MMEL1: variants seen among roughly 807,000 people sequenced by gnomAD.
The protein encoded by MMEL1 is membrane metalloendopeptidase like 1.
A neutral mutation model predicts 117.1 loss-of-function variants in MMEL1; 98 were observed. The ratio of observed to expected loss-of-function variants is 0.84; its 90% confidence interval spans 0.71 to 0.99. The LOEUF is 0.99. MMEL1 is among the 50% of genes least tolerant of loss of function. The pLI is 0.00. For missense variants in MMEL1, 1,014 were observed against 1,049.1 expected, an observed-to-expected ratio of 0.97 and a Z score of 0.46; for synonymous variants, 390 against 415.1, an observed-to-expected ratio of 0.94 and a Z score of 0.74.
chr1:2,591,217 C>T (rs1002751138), intron 23 of MMEL1, 128 bp from the exon 24 acceptor site: 1 of 643,866 alleles, frequency 1.6e-6, no homozygotes, highest in Non-Finnish European at 2.6e-6. Context: ...TGAGCAGAAA[C>T]ATTTCAACCA....
chr1:2,597,405 C>T (rs1644859935), intron 13 of MMEL1, among the ~76,000 whole-genome samples: 1 of 151,976 alleles, frequency 6.6e-6, no homozygotes, highest in Admixed American at 6.5e-5. Flanking sequence ...GCAGTGGGGA[C>T]CTCTGTCCCT....
At chr1:2,591,726 C>A in intron 22 of MMEL1, 93 bp from the exon 23 acceptor site, 1 of 1,188,610 alleles carries the variant, frequency 8.4e-7, no homozygotes, top group Non-Finnish European at 1.3e-6. Context: ...GCTGCCCCTT[C>A]TAGGGTGGGG....
rs917959219 is a variant in MMEL1, at chr1:2,595,043, C to T, written c.1585-150G>A. 88 of 728,282 alleles carry T rather than the reference C, an allele frequency of 1.2e-4. 1 individual carries two copies. The highest frequency in any genetic ancestry group is 1.3e-4 in the Non-Finnish European group (58 of 431,920). 45.1% of individuals were successfully genotyped at this position (728,282 alleles called of 1,614,324 possible). ...CTGTGGGTGCAGGTGAACGGGGCAG[C>T]CCTGGCTGTGGGCATTTACATGACT... On this transcript the variant is annotated intron_variant, in intron 16 of 23. Transcript: ENST00000378412. This position sits in a 1 kb window ranked among gnomAD's most constrained non-coding sequence, Gnocchi z 4.8.
rs1261948058 is a variant in MMEL1 at position 2,608,924 on chromosome 1, CGT to C, written c.535+413_535+414del. Among the ~76,000 whole-genome samples, 17 of 143,668 alleles carry C rather than the reference CGT, an allele frequency of 1.2e-4. 1 individual carries two copies. Among genetic ancestry groups the C allele is most frequent in the Admixed American group, 1.1e-3 (16 of 14,364 alleles). The allele number at this position is 143,668 out of a possible 152,430, so 94.3% of individuals were successfully genotyped here. ...GCATGAACACATATATACACATACA[CGT>C]ATACACATATACATACACAATATAC... On this transcript the variant is annotated intron_variant, in intron 6 of 23. Transcript: ENST00000378412.
chr1:2,611,367 C>T (rs757366358), intron 3 of MMEL1, 27 bp from the exon 4 acceptor site: 14 of 1,283,824 alleles, frequency 1.1e-5, no homozygotes, highest in African/African-American at 9.9e-5. Flanking sequence ...GCCTGAGCAC[C>T]GGGAGCCACG....
chr1:2,596,391 C>T (rs113059362), intron 14 of MMEL1, among the ~76,000 whole-genome samples, 170 bp downstream of exon 14: 155 of 152,224 alleles, frequency 1.0e-3, no homozygotes, highest in African/African-American at 3.2e-3. Flanking sequence ...GCCCAGTGGC[C>T]GGCTGGGGTC....
intron 2 of MMEL1, among the ~76,000 whole-genome samples, chr1:2,626,552 T>C (rs541062200): frequency 6.6e-6 from 1 of 152,366 alleles, no homozygotes; most frequent in South Asian, 2.1e-4. Context: ...CAATAAAACT[T>C]TATATACAAA....
intron 2 of MMEL1, among the ~76,000 whole-genome samples, chr1:2,624,848 G>A (rs955230008): frequency 9.2e-5 from 14 of 152,208 alleles, no homozygotes; most frequent in African/African-American, 2.4e-4. Context: ...TACAGGAAGC[G>A]TGGCTAGGAC....
At position 2,595,738 on chromosome 1, in the gene MMEL1, G is replaced by A. The variant is rs527280417; in HGVS notation, c.1500+271C>T. Among the ~76,000 whole-genome samples the A allele has an allele frequency of 6.6e-6, 1 of 152,116 alleles. No individual in the cohort carries two copies. Among genetic ancestry groups the A allele is most frequent in the Non-Finnish European group, 1.5e-5 (1 of 68,010 alleles). On this transcript the variant is annotated intron_variant, in intron 15 of 23. Coordinates refer to ENST00000378412, the MANE Select transcript of MMEL1 (RefSeq NM_033467.4). This position sits in a 1 kb window ranked among gnomAD's most constrained non-coding sequence, Gnocchi z 4.8. ...CGCTACCCCCGCTGGCTCATGGGGG[G>A]TGCTGGGGATGTCCCAGGCCTGGTT...
intron 2 of MMEL1, among the ~76,000 whole-genome samples, chr1:2,617,426 CAAAAA>C (rs35881431): frequency 1.8e-5 from 1 of 56,146 alleles, no homozygotes; most frequent in Non-Finnish European, 3.3e-5. Context: ...GACTCCGTCT[CAAAAA>C]AAAAAAAAAA....
intron 1 of MMEL1, among the ~76,000 whole-genome samples, chr1:2,630,560 T>G (rs1021349506): frequency 6.1e-5 from 9 of 146,470 alleles, no homozygotes; most frequent in African/African-American, 2.0e-4. Context: ...CATGTGTGCA[T>G]GTGTGTGACT....
rs776283541 is a variant in MMEL1, at chr1:2,603,902, T to C, written c.1023A>G (p.Gln341=). 4 of 1,613,654 alleles carry C rather than the reference T, an allele frequency of 2.5e-6. No homozygotes were observed. In the African/African-American group the frequency reaches 5.3e-5, roughly 22 times the overall value. ...LYHRMGLEEL[Q]SQFGLKGFNW... is the part of the protein sequence containing the mutation. ...GCCTCACCTTCAGGCCAAACTGGCT[T>C]TGCAGCTCCTCCAGTCCCATCCGGT... The change falls in exon 11 of 24, where the codon CAA becomes CAG. Residue 341 remains glutamine (Q), a synonymous_variant. Coordinates refer to ENST00000378412, the MANE Select transcript of MMEL1 (RefSeq NM_033467.4).
At chr1:2,608,041 C>T (rs972003322) in intron 6 of MMEL1, among the ~76,000 whole-genome samples, 3 of 152,102 alleles carry the variant, frequency 2.0e-5, no homozygotes, top group Non-Finnish European at 4.4e-5. Flanking sequence ...TTCAGCCTCT[C>T]AGGCCAAAAA....
intron 12 of MMEL1, 27 bp from the exon 13 acceptor site, chr1:2,598,327 G>A (rs745527448): frequency 6.2e-7 from 1 of 1,607,432 alleles, no homozygotes; most frequent in South Asian, 1.1e-5. Context: ...GAGGGTGAGG[G>A]GAGAACAGGT....
intron 2 of MMEL1, among the ~76,000 whole-genome samples, chr1:2,621,230 A>G (rs7540907): frequency 3.8e-3 from 574 of 152,318 alleles, no homozygotes; most frequent in Non-Finnish European, 6.6e-3. Context: ...GGCTGCAGTG[A>G]GCTGTGATTG....
intron 6 of MMEL1, among the ~76,000 whole-genome samples, chr1:2,607,976 C>T (rs1428560792): frequency 6.6e-6 from 1 of 152,130 alleles, no homozygotes; most frequent in Admixed American, 6.5e-5. Context: ...GCTGGGCTGC[C>T]GGTCCTGAGT....
chr1:2,614,248 A>G (rs1645171071), intron 2 of MMEL1, among the ~76,000 whole-genome samples: 1 of 152,276 alleles, frequency 6.6e-6, no homozygotes, highest in South Asian at 2.1e-4. Flanking sequence ...TGTATAAAAC[A>G]ATCTCACTGA....
At chr1:2,631,052 T>G (rs1213895034) in intron 1 of MMEL1, among the ~76,000 whole-genome samples, 1 of 152,222 alleles carries the variant, frequency 6.6e-6, no homozygotes, top group Non-Finnish European at 1.5e-5. Context: ...TGTGCACGTG[T>G]GTGCGTGTGC....
chr1:2,631,208 C>T (rs1638564525), intron 1 of MMEL1, among the ~76,000 whole-genome samples: 1 of 152,166 alleles, frequency 6.6e-6, no homozygotes, highest in South Asian at 2.1e-4. Flanking sequence ...CCTTCCAGCA[C>T]TTTCAGTCGT....
Sources: gnomAD v4.1 joint callset for allele counts (sites outside exome capture counted in the v4.1 genomes callset) on GRCh38, gnomAD v4.1.1 for gene constraint, Gnocchi (gnomAD v3.1) non-coding constraint, MANE v1.5 for transcripts, NCBI Gene and HGNC (gene_info 2026-07-23, HGNC 2026-07-21) for gene names.